Variants in CDH11 observed in about 807,000 individuals in gnomAD.
The protein encoded by CDH11 is cadherin 11.
Under a neutral mutation model 67.8 loss-of-function variants are expected in CDH11, and 11 were observed. The ratio of observed to expected loss-of-function variants is 0.16; its 90% CI spans 0.10 to 0.27. The LOEUF is 0.27. Ranked by LOEUF, CDH11 falls within the 10% of genes least tolerant of loss-of-function variation. The probability of loss-of-function intolerance (pLI) is 1.00; values close to 1 mark genes in which losing one functional copy is unlikely to be tolerated. For synonymous variants in CDH11, 419 were observed against 400.0 expected (o/e 1.05, Z -0.57); for missense variants, 847 against 1,031.2 (o/e 0.82, Z 2.45).
At chr16:65,041,316 A>G (rs2073863706) in intron 2 of CDH11, among the ~76,000 whole-genome samples, 1 of 151,878 alleles carries the variant, frequency 6.6e-6, no homozygotes, top group Non-Finnish European at 1.5e-5. Context: ...TCTTCCAAAG[A>G]CCAGCACATT....
chr16:65,055,083 T>C (rs1248296431), intron 1 of CDH11, among the ~76,000 whole-genome samples: 1 of 152,206 alleles, frequency 6.6e-6, no homozygotes, highest in Non-Finnish European at 1.5e-5. Flanking sequence ...AGAGTAACAC[T>C]GGAGTTATTC....
At chr16:64,971,839 G>T in intron 10 of CDH11, 92 bp downstream of exon 10, 1 of 1,454,150 alleles carries the variant, frequency 6.9e-7, no homozygotes, top group South Asian at 1.2e-5. Flanking sequence ...ACCTTTTTGG[G>T]CAGTGGTTGG....
rs2142906209 is a variant in CDH11, at chr16:65,121,570, A to G, written c.-298+310T>C. 6.6e-6 allele frequency among the ~76,000 whole-genome samples: 1 copy of G among 152,200 alleles called. No individual in the cohort carries two copies. Among genetic ancestry groups the G allele is most frequent in the African/African-American group, 2.4e-5 (1 of 41,560 alleles). On this transcript the variant is annotated intron_variant, in intron 1 of 12. Coordinates refer to ENST00000268603, the MANE Select transcript of CDH11 (RefSeq NM_001797.4). This position sits in a 1 kb window ranked among gnomAD's most constrained non-coding sequence, Gnocchi z 4.1. Reference sequence around the variant, plus strand: ...CAGTCTCTTGCCCCAGCCAGGTACAAACCCCCTCTGCTGTGGCCTCGGCGC... The same window carrying G: ...CAGTCTCTTGCCCCAGCCAGGTACAGACCCCCTCTGCTGTGGCCTCGGCGC...
At chr16:65,048,661 C>CAT (rs901112497) in intron 2 of CDH11, among the ~76,000 whole-genome samples, 1 of 151,292 alleles carries the variant, frequency 6.6e-6, no homozygotes, top group East Asian at 1.9e-4. Context: ...TCTATATCTA[C>CAT]ATATATATAC....
chr16:65,037,819 C>T (rs1466284811), intron 2 of CDH11, among the ~76,000 whole-genome samples: 1 of 151,756 alleles, frequency 6.6e-6, no homozygotes, highest in Non-Finnish European at 1.5e-5. Context: ...CCACTTGTGA[C>T]AAAGAAGCAA....
At chr16:65,009,798 G>A (rs1185001331) in intron 2 of CDH11, among the ~76,000 whole-genome samples, 1 of 152,162 alleles carries the variant, frequency 6.6e-6, no homozygotes, top group African/African-American at 2.4e-5. Flanking sequence ...AATAAATGTT[G>A]TTGAAAGTCA....
At chr16:64,996,530 T>G (rs951960142) in intron 4 of CDH11, among the ~76,000 whole-genome samples, 2 of 148,338 alleles carry the variant, frequency 1.3e-5, no homozygotes, top group African/African-American at 4.9e-5. Context: ...AACCCAGCAA[T>G]CCCATTACTC....
At chr16:65,034,100 G>A (rs192101898) in intron 2 of CDH11, among the ~76,000 whole-genome samples, 17 of 152,290 alleles carry the variant, frequency 1.1e-4, no homozygotes, top group African/African-American at 4.1e-4. Flanking sequence ...TAGGGTCTGT[G>A]CAGATGGCCA....
At chr16:65,084,239 T>G (rs756248604) in intron 1 of CDH11, among the ~76,000 whole-genome samples, 17 of 152,154 alleles carry the variant, frequency 1.1e-4, no homozygotes, top group Non-Finnish European at 2.1e-4. Flanking sequence ...CTCTAATCCC[T>G]GCACTTTGGG....
At chr16:65,046,749 A>T (rs2073968026) in intron 2 of CDH11, among the ~76,000 whole-genome samples, 1 of 152,206 alleles carries the variant, frequency 6.6e-6, no homozygotes, top group East Asian at 1.9e-4. Context: ...TTTAAAACTT[A>T]AAAAAGTTTT....
chr16:65,023,751 GA>G (rs2073477399), intron 2 of CDH11, among the ~76,000 whole-genome samples: 1 of 152,188 alleles, frequency 6.6e-6, no homozygotes, highest in Admixed American at 6.5e-5. Flanking sequence ...GCACTGGTGG[GA>G]ATGTCTTTTA....
At chr16:65,010,971 TTATA>T (rs60201838) in intron 2 of CDH11, among the ~76,000 whole-genome samples, 3 of 127,924 alleles carry the variant, frequency 2.3e-5, no homozygotes, top group African/African-American at 9.8e-5. Flanking sequence ...ATATATGTGT[TTATA>T]TATATATATA....
At chr16:65,086,217 C>T (rs2074695474) in intron 1 of CDH11, among the ~76,000 whole-genome samples, 1 of 152,146 alleles carries the variant, frequency 6.6e-6, no homozygotes, top group Non-Finnish European at 1.5e-5. Flanking sequence ...AAATTGGTAA[C>T]GTAGATAATT....
At chr16:64,972,635 T>A (rs1490861075) in intron 9 of CDH11, among the ~76,000 whole-genome samples, 1 of 152,160 alleles carries the variant, frequency 6.6e-6, no homozygotes, top group Non-Finnish European at 1.5e-5. Context: ...GAGTGGGAAA[T>A]CTTTCAGTGA....
intron 2 of CDH11, among the ~76,000 whole-genome samples, chr16:65,009,159 C>T (rs956828994): frequency 2.0e-5 from 3 of 151,952 alleles, no homozygotes; most frequent in African/African-American, 7.3e-5. Flanking sequence ...TTTAGGCACA[C>T]TAATACAAAT....
chr16:65,083,184 C>T (rs1293095744), intron 1 of CDH11, among the ~76,000 whole-genome samples: 1 of 152,174 alleles, frequency 6.6e-6, no homozygotes, highest in African/African-American at 2.4e-5. Context: ...TAGCCACCAG[C>T]TCCTTTTCAG....
At chr16:64,952,939 C>T (rs963006132) in intron 11 of CDH11, among the ~76,000 whole-genome samples, 2 of 152,068 alleles carry the variant, frequency 1.3e-5, no homozygotes, top group African/African-American at 4.8e-5. Context: ...GGACCCTCCC[C>T]TGAATACCAA....
At chr16:65,026,670 A>G (rs182867448) in intron 2 of CDH11, among the ~76,000 whole-genome samples, 26 of 152,230 alleles carry the variant, frequency 1.7e-4, no homozygotes, top group Admixed American at 1.6e-3. Flanking sequence ...TTCCACCTCA[A>G]ACACCAGGGG....
At chr16:65,062,127 A>T (rs924909461) in intron 1 of CDH11, among the ~76,000 whole-genome samples, 1 of 152,222 alleles carries the variant, frequency 6.6e-6, no homozygotes, top group African/African-American at 2.4e-5. Flanking sequence ...AACATGACTA[A>T]GGACTGCATC....
Sources: gnomAD v4.1 joint callset for allele counts (sites outside exome capture counted in the v4.1 genomes callset) on GRCh38, gnomAD v4.1.1 for gene constraint, Gnocchi (gnomAD v3.1) non-coding constraint, MANE v1.5 for transcripts, NCBI Gene and HGNC (gene_info 2026-07-23, HGNC 2026-07-21) for gene names.